Variants in PCGF5 observed in about 807,000 individuals in gnomAD.
The protein encoded by PCGF5 is polycomb group RING finger protein 5.
PCGF5 carries 9 observed loss-of-function variants against 44.3 expected under a neutral mutation model. That is an observed-to-expected ratio of 0.20 (90% CI 0.12 to 0.35). The LOEUF (loss-of-function observed/expected upper bound fraction) is 0.35. Ranked by LOEUF, PCGF5 falls within the 10% of genes least tolerant of loss-of-function variation. The pLI is 1.00. For missense variants in PCGF5, 146 were observed against 305.3 expected (o/e 0.48, Z 3.89); for synonymous variants, 95 against 102.5 (o/e 0.93, Z 0.44).
chr10:91,242,805 T>C (rs1297769949), intron 3 of PCGF5, among the ~76,000 whole-genome samples: 1 of 152,202 alleles, frequency 6.6e-6, no homozygotes, highest in Admixed American at 6.5e-5. Context: ...TACTCTTAAA[T>C]GCTTTAGTGT....
intron 2 of PCGF5, among the ~76,000 whole-genome samples, chr10:91,239,858 C>T (rs1183181053): frequency 3.3e-5 from 5 of 152,102 alleles, no homozygotes; most frequent in Admixed American, 2.6e-4. Context: ...TTATTTATCC[C>T]TGTCAGTTTT....
At chr10:91,171,763 G>A (rs1244712341) in intron 1 of PCGF5, among the ~76,000 whole-genome samples, 6 of 152,162 alleles carry the variant, frequency 3.9e-5, no homozygotes, top group African/African-American at 1.4e-4. Flanking sequence ...TATTGTGGAG[G>A]GATCAGTTCT....
chr10:91,249,295 A>T (rs1041273257), intron 5 of PCGF5, among the ~76,000 whole-genome samples: 2 of 150,332 alleles, frequency 1.3e-5, no homozygotes, highest in African/African-American at 4.9e-5. Flanking sequence ...GTCCCAAAAG[A>T]CTCAGCAATT....
chr10:91,279,472 T>C lies in PCGF5; in HGVS notation c.*1156T>C, dbSNP rs1207288900. 1 of 152,156 alleles carries C rather than the reference T, an allele frequency of 6.6e-6. No individual in the cohort carries two copies. Among genetic ancestry groups the C allele is most frequent in the Non-Finnish European group, 1.5e-5 (1 of 67,988 alleles). The allele number at this position is 152,156 out of a possible 1,614,324, so 9.4% of individuals were successfully genotyped here. On this transcript the variant is annotated 3_prime_UTR_variant, in exon 10 of 10. Transcript: ENST00000336126. The stretch of plus-strand genomic sequence containing the variant: ...TGTAGTAATTGGGGAAATGAGAAGA[T>C]TATTATTTTATACATGAGTTCATTA...
upstream of PCGF5, chr10:91,162,994 G>A (rs1272850841): frequency 1.4e-5 from 2 of 145,342 alleles, no homozygotes; most frequent in South Asian, 4.1e-4. Flanking sequence ...CGCCGGCGCG[G>A]GCTCCCTCAC....
In PCGF5 at chr10:91,258,811, T is replaced by A. The variant is rs536088654; in HGVS notation, c.475-2515T>A. Among the ~76,000 whole-genome samples the A allele has an allele frequency of 4.6e-5, 7 of 152,314 alleles. No homozygotes were observed. In the East Asian group the frequency reaches 1.3e-3, roughly 29 times the overall value. On this transcript the variant is annotated intron_variant, in intron 6 of 9. Coordinates refer to ENST00000336126, the MANE Select transcript of PCGF5 (RefSeq NM_032373.5). ...TTTAATGGATATTTTATCATCTGTATTGTGACCAGGTTGTTATTTGTTAAT... is the reference window on the plus strand; with the variant it reads ...TTTAATGGATATTTTATCATCTGTAATGTGACCAGGTTGTTATTTGTTAAT...
chr10:91,199,734 C>A (rs544393407), intron 1 of PCGF5, among the ~76,000 whole-genome samples: 2 of 152,226 alleles, frequency 1.3e-5, no homozygotes, highest in East Asian at 3.9e-4. Flanking sequence ...TCCAAAGAGG[C>A]CATAAAAATC....
chr10:91,281,344 T>G lies in PCGF5; in HGVS notation c.*3028T>G, dbSNP rs182578013. 1 of 152,678 alleles carries G rather than the reference T, an allele frequency of 6.5e-6. No homozygotes were observed. The highest frequency in any genetic ancestry group is 1.5e-5 in the Non-Finnish European group (1 of 67,948). 9.5% of individuals were successfully genotyped at this position (152,678 alleles called of 1,614,324 possible). On this transcript the variant is annotated 3_prime_UTR_variant, in exon 10 of 10. Coordinates refer to ENST00000336126, the MANE Select transcript of PCGF5 (RefSeq NM_032373.5). ...ACGTAATGACTTTGCTCAACTACATTACACACTCAAATGTAATCTAAATTT... is the reference window on the plus strand; with the variant it reads ...ACGTAATGACTTTGCTCAACTACATGACACACTCAAATGTAATCTAAATTT...
At chr10:91,208,126 A>G (rs1206747247) in intron 1 of PCGF5, among the ~76,000 whole-genome samples, 1 of 152,224 alleles carries the variant, frequency 6.6e-6, no homozygotes, top group Non-Finnish European at 1.5e-5. Flanking sequence ...TGCCTGAATC[A>G]ATTAATAACA....
chr10:91,231,490 C>A (rs1290459528), intron 2 of PCGF5, among the ~76,000 whole-genome samples: 1 of 152,046 alleles, frequency 6.6e-6, no homozygotes, highest in Non-Finnish European at 1.5e-5. Context: ...AGAGGTGTTT[C>A]AGGTAGAGGG....
chr10:91,271,730 T>C (rs1846186636), intron 9 of PCGF5, 33 bp downstream of exon 9: 3 of 1,552,474 alleles, frequency 1.9e-6, no homozygotes, highest in Non-Finnish European at 2.7e-6. Flanking sequence ...CATATGACCA[T>C]CATGACACCA....
At chr10:91,165,778 T>A (rs1022528941) in intron 1 of PCGF5, among the ~76,000 whole-genome samples, 2 of 152,196 alleles carry the variant, frequency 1.3e-5, no homozygotes. Flanking sequence ...AGTGATATAA[T>A]GTAAAAAGGA....
At chr10:91,159,003 G>C (rs900622715), upstream of PCGF5, among the ~76,000 whole-genome samples, 1 of 152,148 alleles carries the variant, frequency 6.6e-6, no homozygotes, top group Non-Finnish European at 1.5e-5. Flanking sequence ...ACTGGTGGGG[G>C]GATCCAGGGC....
At chr10:91,207,646 C>G (rs1423092909) in intron 1 of PCGF5, among the ~76,000 whole-genome samples, 2 of 152,176 alleles carry the variant, frequency 1.3e-5, no homozygotes, top group African/African-American at 4.8e-5. Flanking sequence ...ATTCAGTAAA[C>G]AGTCTAAAAT....
intron 2 of PCGF5, among the ~76,000 whole-genome samples, chr10:91,235,383 A>G (rs1223002976): frequency 6.6e-6 from 1 of 152,136 alleles, no homozygotes; most frequent in Non-Finnish European, 1.5e-5. Flanking sequence ...TCACTTAGTA[A>G]ACATTAGGCA....
chr10:91,166,087 CT>C (rs1373778605), intron 1 of PCGF5, among the ~76,000 whole-genome samples: 1 of 152,162 alleles, frequency 6.6e-6, no homozygotes, highest in East Asian at 1.9e-4. Context: ...TAATCAATCC[CT>C]TCACTAAAGA....
chr10:91,197,065 A>G (rs1191414816), intron 1 of PCGF5, among the ~76,000 whole-genome samples: 1 of 152,238 alleles, frequency 6.6e-6, no homozygotes, highest in African/African-American at 2.4e-5. Context: ...CAAGTGAGCC[A>G]GTTAATGGCA....
chr10:91,217,505 T>TA (rs1326885287), upstream of PCGF5, among the ~76,000 whole-genome samples: 1 of 152,128 alleles, frequency 6.6e-6, no homozygotes, highest in East Asian at 1.9e-4. Flanking sequence ...ATAAATGAAA[T>TA]AAAAATCTAG....
upstream of PCGF5, among the ~76,000 whole-genome samples, chr10:91,219,553 C>G (rs188278473): frequency 6.6e-6 from 1 of 152,154 alleles, no homozygotes; most frequent in African/African-American, 2.4e-5. Flanking sequence ...TTTGACCTCA[C>G]TTGTTTTCTC....
Sources: gnomAD v4.1 joint callset for allele counts (sites outside exome capture counted in the v4.1 genomes callset) on GRCh38, gnomAD v4.1.1 for gene constraint, MANE v1.5 for transcripts, NCBI Gene and HGNC (gene_info 2026-07-23, HGNC 2026-07-21) for gene names.